Variants in CFAP299 observed in about 807,000 individuals in gnomAD.
The protein encoded by CFAP299 is cilia- and flagella-associated protein 299.
A neutral mutation model predicts 27.0 loss-of-function variants in CFAP299; 21 were observed. The ratio of observed to expected loss-of-function variants is 0.78; its 90% CI spans 0.55 to 1.12. The LOEUF (loss-of-function observed/expected upper bound fraction) is 1.12. Ranked by LOEUF, CFAP299 falls within the 50% of genes most tolerant of loss-of-function variation. The probability of loss-of-function intolerance (pLI) is 0.00; values close to 1 mark genes in which losing one functional copy is unlikely to be tolerated. For missense variants in CFAP299, 310 were observed against 276.6 expected, an observed-to-expected ratio of 1.12 and a Z score of -0.86; for synonymous variants, 104 against 98.1, an observed-to-expected ratio of 1.06 and a Z score of -0.36.
At chr4:80,710,751 A>T (rs1444221928) in intron 3 of CFAP299, among the ~76,000 whole-genome samples, 1 of 151,888 alleles carries the variant, frequency 6.6e-6, no homozygotes, top group Admixed American at 6.6e-5. Context: ...TCTACCTCTC[A>T]TTCTACTTTT....
intron 4 of CFAP299, among the ~76,000 whole-genome samples, chr4:80,943,764 G>A (rs953207268): frequency 7.9e-5 from 12 of 152,026 alleles, no homozygotes; most frequent in African/African-American, 2.9e-4. Context: ...GGAAGTTTCT[G>A]TACAAAATAT....
intron 4 of CFAP299, among the ~76,000 whole-genome samples, chr4:80,896,106 A>C (rs563366752): frequency 6.6e-6 from 1 of 152,106 alleles, no homozygotes; most frequent in Admixed American, 6.5e-5. Context: ...CAAATAAAAT[A>C]TTCAGAATAC....
intron 2 of CFAP299, among the ~76,000 whole-genome samples, chr4:80,371,182 A>G (rs994251520): frequency 6.6e-6 from 1 of 152,100 alleles, no homozygotes; most frequent in Non-Finnish European, 1.5e-5. Context: ...CCACAGCTGG[A>G]GCTGGGGTGG....
chr4:80,503,083 C>T (rs1403177156), intron 2 of CFAP299, among the ~76,000 whole-genome samples: 2 of 152,134 alleles, frequency 1.3e-5, no homozygotes, highest in Non-Finnish European at 2.9e-5. Context: ...TTCCTGCAGT[C>T]TGCCTAAACT....
chr4:80,502,888 C>T (rs1011892336), intron 2 of CFAP299, among the ~76,000 whole-genome samples: 43 of 152,076 alleles, frequency 2.8e-4, no homozygotes, highest in African/African-American at 9.9e-4. Flanking sequence ...AACATAATTG[C>T]AAGCTGTGAT....
chr4:80,801,186 T>G (rs75249133), intron 3 of CFAP299, among the ~76,000 whole-genome samples: 1 of 133,708 alleles, frequency 7.5e-6, no homozygotes, highest in Admixed American at 7.4e-5. Context: ...CACACTATGG[T>G]TTTTTTTTTT....
At chr4:80,909,952 T>C (rs1283243718) in intron 4 of CFAP299, among the ~76,000 whole-genome samples, 1 of 152,152 alleles carries the variant, frequency 6.6e-6, no homozygotes, top group Non-Finnish European at 1.5e-5. Context: ...ATGATGTTTT[T>C]AATAACTATT....
chr4:80,840,417 A>T (rs973856535), intron 3 of CFAP299, among the ~76,000 whole-genome samples: 4 of 152,110 alleles, frequency 2.6e-5, no homozygotes, highest in African/African-American at 9.7e-5. Context: ...TTAAAGGTAA[A>T]TGTTACCGGG....
At chr4:80,515,200 G>A (rs1244077532) in intron 2 of CFAP299, among the ~76,000 whole-genome samples, 2 of 152,084 alleles carry the variant, frequency 1.3e-5, no homozygotes, top group African/African-American at 4.8e-5. Context: ...CATTGAACAA[G>A]ATTTCTGGAA....
intron 2 of CFAP299, among the ~76,000 whole-genome samples, chr4:80,571,447 C>T (rs527850132): frequency 4.7e-4 from 72 of 151,840 alleles, no homozygotes; most frequent in Non-Finnish European, 9.0e-4. Flanking sequence ...TCTAATTTAG[C>T]TCACATGATG....
At chr4:80,459,890 G>T (rs565260352) in intron 2 of CFAP299, among the ~76,000 whole-genome samples, 4 of 152,100 alleles carry the variant, frequency 2.6e-5, no homozygotes, top group East Asian at 1.9e-4. Context: ...CCCTCTGAAG[G>T]TTCACTGAAA....
chr4:80,487,488 G>A (rs1400691817), intron 2 of CFAP299, among the ~76,000 whole-genome samples: 1 of 152,170 alleles, frequency 6.6e-6, no homozygotes, highest in Non-Finnish European at 1.5e-5. Context: ...AAAGAGGAAA[G>A]GGATGGCTGC....
intron 3 of CFAP299, among the ~76,000 whole-genome samples, chr4:80,687,811 G>A (rs991876327): frequency 6.6e-6 from 1 of 152,128 alleles, no homozygotes; most frequent in African/African-American, 2.4e-5. Flanking sequence ...CAGACAGTGG[G>A]CGCAGGTCAG....
intron 1 of CFAP299, among the ~76,000 whole-genome samples, chr4:80,356,912 C>T (rs187543711): frequency 2.6e-5 from 4 of 152,134 alleles, no homozygotes; most frequent in East Asian, 3.9e-4. Flanking sequence ...TTGTCTTGTG[C>T]CAGTTTTCAA....
chr4:80,897,692 A>G (rs1310127688), intron 4 of CFAP299, among the ~76,000 whole-genome samples: 1 of 152,178 alleles, frequency 6.6e-6, no homozygotes, highest in Non-Finnish European at 1.5e-5. Flanking sequence ...AGGAACCACA[A>G]TATCAAGAAT....
chr4:80,698,393 G>A (rs1051628964), intron 3 of CFAP299, among the ~76,000 whole-genome samples: 1 of 152,132 alleles, frequency 6.6e-6, no homozygotes, highest in Non-Finnish European at 1.5e-5. Flanking sequence ...GTTTTTGAAT[G>A]AATGAAAGAC....
chr4:80,726,480 AC>A (rs1378423950), intron 3 of CFAP299, among the ~76,000 whole-genome samples: 2 of 152,190 alleles, frequency 1.3e-5, no homozygotes, highest in Non-Finnish European at 2.9e-5. Flanking sequence ...TTAAATTAAA[AC>A]AAATATATTT....
chr4:80,541,940 TCTCCCAATGCTAAA>T (rs1435087197), intron 2 of CFAP299, among the ~76,000 whole-genome samples: 1 of 150,984 alleles, frequency 6.6e-6, no homozygotes, highest in African/African-American at 2.4e-5. Flanking sequence ...ATTAGGTATA[TCTCCCAATGCTAAA>T]ACTTAAAGTA....
At chr4:80,812,408 C>A (rs977823834) in intron 3 of CFAP299, among the ~76,000 whole-genome samples, 1 of 151,976 alleles carries the variant, frequency 6.6e-6, no homozygotes, top group Non-Finnish European at 1.5e-5. Flanking sequence ...CCTCCCTTAT[C>A]CTAGGATTGA....
Sources: gnomAD v4.1 joint callset for allele counts (sites outside exome capture counted in the v4.1 genomes callset) on GRCh38, gnomAD v4.1.1 for gene constraint, MANE v1.5 for transcripts, NCBI Gene and HGNC (gene_info 2026-07-23, HGNC 2026-07-21) for gene names.